HS6ST3: variants seen among roughly 807,000 people sequenced by gnomAD.
The protein encoded by HS6ST3 is heparan-sulfate 6-O-sulfotransferase 3.
In HS6ST3, 12 loss-of-function variants were observed where a neutral mutation model predicts 36.7. That is an observed-to-expected ratio of 0.33 (90% confidence interval 0.21 to 0.53). HS6ST3 has a LOEUF of 0.53. Among genes scored for constraint, HS6ST3 ranks in the 20% least tolerant of loss-of-function variants. The pLI, the probability that HS6ST3 is intolerant of heterozygous loss-of-function variation, is 0.95. For synonymous variants in HS6ST3, 240 were observed against 257.5 expected, an observed-to-expected ratio of 0.93 and a Z score of 0.65; for missense variants, 584 against 640.9, an observed-to-expected ratio of 0.91 and a Z score of 0.96.
At chr13:96,101,195 A>G (rs1469283368) in intron 1 of HS6ST3, among the ~76,000 whole-genome samples, 1 of 152,188 alleles carries the variant, frequency 6.6e-6, no homozygotes, top group Non-Finnish European at 1.5e-5. Context: ...GTTATGTAAC[A>G]ATATTAGTTA....
intron 1 of HS6ST3, among the ~76,000 whole-genome samples, chr13:96,766,073 G>C (rs907026718): frequency 6.6e-6 from 1 of 151,992 alleles, no homozygotes; most frequent in Non-Finnish European, 1.5e-5. Context: ...TTGTAGCCCT[G>C]GGTTGTAAGA....
intron 1 of HS6ST3, among the ~76,000 whole-genome samples, chr13:96,658,296 T>TTTTTTTC (rs1467303957): frequency 3.4e-4 from 30 of 87,426 alleles, no homozygotes; most frequent in African/African-American, 1.0e-3. Context: ...TTTTTTTTTT[T>TTTTTTTC]TTGAGATGGC....
intron 1 of HS6ST3, among the ~76,000 whole-genome samples, chr13:96,266,430 A>AGT (rs943026752): frequency 1.3e-5 from 2 of 152,184 alleles, no homozygotes; most frequent in Non-Finnish European, 2.9e-5. Flanking sequence ...GAAGGACAGG[A>AGT]TAAACAGCAA....
chr13:96,316,305 G>A (rs1362448747), intron 1 of HS6ST3, among the ~76,000 whole-genome samples: 1 of 149,082 alleles, frequency 6.7e-6, no homozygotes, highest in African/African-American at 2.5e-5. Context: ...GTGTGTATGT[G>A]TACAGTGGAT....
chr13:96,767,463 T>C (rs1368904256), intron 1 of HS6ST3, among the ~76,000 whole-genome samples: 2 of 152,232 alleles, frequency 1.3e-5, no homozygotes, highest in Non-Finnish European at 1.5e-5. Context: ...AAAATGGCTT[T>C]GGTATGTATG....
At chr13:96,371,479 C>T (rs2055289876) in intron 1 of HS6ST3, among the ~76,000 whole-genome samples, 1 of 152,050 alleles carries the variant, frequency 6.6e-6, no homozygotes, top group South Asian at 2.1e-4. Flanking sequence ...ATGTGATGAG[C>T]CTACTTAAGA....
chr13:96,776,086 G>C (rs1594857503), intron 1 of HS6ST3, among the ~76,000 whole-genome samples: 1 of 152,260 alleles, frequency 6.6e-6, no homozygotes, highest in Non-Finnish European at 1.5e-5. Flanking sequence ...GCTCCTGAAT[G>C]ACTATGGGGT....
intron 1 of HS6ST3, among the ~76,000 whole-genome samples, chr13:96,124,410 TACTGTG>T (rs1413430088): frequency 1.8e-4 from 28 of 152,266 alleles, no homozygotes; most frequent in African/African-American, 6.7e-4. Context: ...TCTGCTTCCT[TACTGTG>T]ACACATCTCC....
At chr13:96,698,826 A>G (rs932893914) in intron 1 of HS6ST3, among the ~76,000 whole-genome samples, 6 of 152,208 alleles carry the variant, frequency 3.9e-5, no homozygotes, top group Non-Finnish European at 7.3e-5. Context: ...AGCTGGAGGC[A>G]TCACGCTACC....
intron 1 of HS6ST3, among the ~76,000 whole-genome samples, chr13:96,337,522 A>C (rs1331210207): frequency 6.6e-6 from 1 of 151,868 alleles, no homozygotes; most frequent in East Asian, 1.9e-4. Context: ...ATTGCTGTTG[A>C]GATACCTGAG....
At chr13:96,692,785 T>C (rs915698988) in intron 1 of HS6ST3, among the ~76,000 whole-genome samples, 3 of 152,214 alleles carry the variant, frequency 2.0e-5, no homozygotes, top group Non-Finnish European at 4.4e-5. Context: ...CAATCTATTC[T>C]TTTGTGATTT....
intron 1 of HS6ST3, among the ~76,000 whole-genome samples, chr13:96,366,872 A>G (rs1196323657): frequency 6.6e-6 from 1 of 152,190 alleles, no homozygotes; most frequent in Non-Finnish European, 1.5e-5. Flanking sequence ...ATGGTAGTGA[A>G]TAAGTCTCGC....
intron 1 of HS6ST3, among the ~76,000 whole-genome samples, chr13:96,248,652 A>G (rs1247514541): frequency 1.3e-5 from 2 of 152,188 alleles, no homozygotes; most frequent in Admixed American, 1.3e-4. Flanking sequence ...TTGGATGGCT[A>G]TGCAGGTGTT....
intron 1 of HS6ST3, among the ~76,000 whole-genome samples, chr13:96,514,594 G>A (rs2056064466): frequency 1.3e-5 from 2 of 152,186 alleles, no homozygotes; most frequent in Admixed American, 6.5e-5. Flanking sequence ...CACACAGCGA[G>A]AAGGCGGCTG....
At chr13:96,224,418 C>T (rs2054470593) in intron 1 of HS6ST3, among the ~76,000 whole-genome samples, 1 of 152,090 alleles carries the variant, frequency 6.6e-6, no homozygotes. Flanking sequence ...ACCTCCTGGG[C>T]TCAAGTGAAC....
chr13:96,665,001 G>A (rs767293919), intron 1 of HS6ST3, among the ~76,000 whole-genome samples: 33 of 152,054 alleles, frequency 2.2e-4, no homozygotes, highest in African/African-American at 4.8e-4. Flanking sequence ...GTGAAACCGC[G>A]TCTCTACAAA....
chr13:96,608,392 C>T (rs1219764710), intron 1 of HS6ST3, among the ~76,000 whole-genome samples: 1 of 152,174 alleles, frequency 6.6e-6, no homozygotes, highest in Non-Finnish European at 1.5e-5. Flanking sequence ...TCACATAACA[C>T]AGATGACCGG....
intron 1 of HS6ST3, among the ~76,000 whole-genome samples, chr13:96,767,102 T>A (rs1594855358): frequency 6.6e-6 from 1 of 152,344 alleles, no homozygotes; most frequent in East Asian, 1.9e-4. Flanking sequence ...AGTGACTACA[T>A]CGTGCCTGGA....
At chr13:96,311,968 A>G (rs1168738013) in intron 1 of HS6ST3, among the ~76,000 whole-genome samples, 2 of 151,364 alleles carry the variant, frequency 1.3e-5, no homozygotes, top group Non-Finnish European at 2.9e-5. Context: ...TTTTTGTTTC[A>G]TTAACTTAGA....
Sources: allele counts gnomAD v4.1 joint callset (sites outside exome capture counted in the v4.1 genomes callset), GRCh38; gene constraint gnomAD v4.1.1; transcripts MANE v1.5; gene names NCBI Gene and HGNC (gene_info 2026-07-23, HGNC 2026-07-21).